SPNS3: variants seen among roughly 807,000 people sequenced by gnomAD.
The protein encoded by SPNS3 is protein spinster homolog 3.
SPNS3 carries 51 observed loss-of-function variants against 54.4 expected under a neutral mutation model. The ratio of observed to expected loss-of-function variants is 0.94; its 90% CI spans 0.75 to 1.18. The LOEUF is 1.18. Among genes scored for constraint, SPNS3 ranks in the 50% most tolerant of loss-of-function variants. The probability of loss-of-function intolerance (pLI) is 0.00; values close to 1 mark genes in which losing one functional copy is unlikely to be tolerated. For missense variants in SPNS3, 669 were observed against 677.4 expected (o/e 0.99, Z 0.14); for synonymous variants, 309 against 294.7 (o/e 1.05, Z -0.50).
chr17:4,456,145 T>C (rs1169663819), intron 8 of SPNS3, among the ~76,000 whole-genome samples: 1 of 151,832 alleles, frequency 6.6e-6, no homozygotes, highest in African/African-American at 2.4e-5. Context: ...AGAGATGGGG[T>C]TTTGCCATGT....
At chr17:4,480,852 C>G (rs996402634) in intron 9 of SPNS3, among the ~76,000 whole-genome samples, 3 of 152,096 alleles carry the variant, frequency 2.0e-5, no homozygotes, top group Non-Finnish European at 4.4e-5. Flanking sequence ...GCCTCCCGCC[C>G]CCTTCCCTGC....
intron 2 of SPNS3, among the ~76,000 whole-genome samples, chr17:4,441,018 C>T (rs1274501160): frequency 2.0e-5 from 3 of 152,088 alleles, no homozygotes; most frequent in African/African-American, 7.2e-5. Context: ...AGAGGACAGG[C>T]ATTATTACTT....
At chr17:4,461,861 T>A (rs1308953428) in intron 8 of SPNS3, among the ~76,000 whole-genome samples, 2 of 151,974 alleles carry the variant, frequency 1.3e-5, no homozygotes, top group East Asian at 1.9e-4. Context: ...CATTCTGAGT[T>A]TGTCGGGGGA....
chr17:4,436,304 G>C (rs955649577), intron 1 of SPNS3, among the ~76,000 whole-genome samples: 1 of 152,216 alleles, frequency 6.6e-6, no homozygotes, highest in Non-Finnish European at 1.5e-5. Context: ...TGAAACTCTA[G>C]GGGCTGCAGA....
chr17:4,457,748 C>T (rs78370685), intron 8 of SPNS3, among the ~76,000 whole-genome samples: 2,345 of 152,176 alleles, frequency 0.015, 56 homozygotes, highest in African/African-American at 0.054. Flanking sequence ...CTGCCCCCCC[C>T]TCACCCCCTG....
At chr17:4,477,989 T>TTTTTTTTTTG (rs1972053520) in intron 8 of SPNS3, among the ~76,000 whole-genome samples, 2 of 142,870 alleles carry the variant, frequency 1.4e-5, no homozygotes, top group African/African-American at 5.2e-5. Flanking sequence ...TTTTTTTTTT[T>TTTTTTTTTTG]GAGGCGGAGT....
intron 5 of SPNS3, 96 bp downstream of exon 5, chr17:4,447,058 G>C: frequency 1.5e-6 from 2 of 1,299,354 alleles, no homozygotes; most frequent in Non-Finnish European, 2.1e-6. Flanking sequence ...GTAGCACCCG[G>C]CGCCATTAGG....
In SPNS3 at chr17:4,487,841, C is replaced by A; in HGVS notation, c.1486C>A (p.Leu496Met). Residue 496 changes from leucine to methionine, a missense_variant, in exon 12 of 12, where the codon CTG becomes ATG. By Grantham distance (15) the Leu-to-Met change is conservative (BLOSUM62 2). Transcript: ENST00000355530. ...PDSNDVDSND[L>M]ERQGLLSGAG... ...CAGCAATGATGTGGACAGCAACGACCTGGAGAGACAAGGCCTACTTTCGGG... is the reference window on the plus strand; with the variant it reads ...CAGCAATGATGTGGACAGCAACGACATGGAGAGACAAGGCCTACTTTCGGG... 1 of 1,614,156 alleles carries A rather than the reference C, an allele frequency of 6.2e-7. No individual in the cohort carries two copies.
chr17:4,437,622 G>A (rs749527127), intron 1 of SPNS3, among the ~76,000 whole-genome samples: 2 of 151,628 alleles, frequency 1.3e-5, no homozygotes, highest in Admixed American at 6.6e-5. Flanking sequence ...AGCTGAGATC[G>A]TGTCACTGCA....
At chr17:4,443,889 C>T (rs534462651) in intron 2 of SPNS3, among the ~76,000 whole-genome samples, 22 of 152,320 alleles carry the variant, frequency 1.4e-4, no homozygotes, top group Non-Finnish European at 4.4e-5. Flanking sequence ...TCCCTTGAGC[C>T]CAGGAGTTCG....
At chr17:4,446,619 G>A (rs1475011792) in intron 4 of SPNS3, 8 of 554,904 alleles carry the variant, frequency 1.4e-5, no homozygotes, top group Non-Finnish European at 2.3e-5. Flanking sequence ...ACTCAAGCAG[G>A]GCCCAGCCTT....
In SPNS3 at chr17:4,453,217, C is replaced by A. The variant is rs753235819; in HGVS notation, c.1113+12C>A. 2 of 1,607,078 alleles carry A rather than the reference C, an allele frequency of 1.2e-6. No individual in the cohort carries two copies. Among genetic ancestry groups the A allele is most frequent in the African/African-American group, 2.7e-5 (2 of 74,768 alleles). On this transcript the variant is annotated intron_variant, in intron 8 of 11. Transcript: ENST00000355530. ...TGCTGGCCTCCTATGTAAGTGAGAG[C>A]CTCTATGGAGGTGGGGACAGGGTTG...
At chr17:4,435,791 G>A (rs1970700344) in intron 1 of SPNS3, among the ~76,000 whole-genome samples, 1 of 152,170 alleles carries the variant, frequency 6.6e-6, no homozygotes, top group African/African-American at 2.4e-5. Flanking sequence ...CAGGGGCCAG[G>A]CGTGGTGGCT....
At position 4,486,375 on chromosome 17, in the gene SPNS3, T is replaced by C; in HGVS notation, c.1279-37T>C. The stretch of plus-strand genomic sequence containing the variant: ...GGTGGGGAGGGTCTGGGGGCCAGGC[T>C]GGTGGGCCTGGCAGACTCATCCCTT... On this transcript the variant is annotated intron_variant, in intron 10 of 11. Coordinates refer to ENST00000355530, the MANE Select transcript of SPNS3 (RefSeq NM_182538.5). This position sits in a 1 kb window ranked among gnomAD's most constrained non-coding sequence, Gnocchi z 5.5. The C allele has an allele frequency of 6.3e-7, 1 of 1,596,402 alleles. No homozygotes were observed. Among genetic ancestry groups the C allele is most frequent in the Middle Eastern group, 1.7e-4 (1 of 5,988 alleles).
chr17:4,468,737 C>CTTTCTTTCTTTCTTTA, intron 8 of SPNS3, among the ~76,000 whole-genome samples: 1 of 140,640 alleles, frequency 7.1e-6, no homozygotes, highest in Middle Eastern at 3.5e-3. Context: ...TTCTTTCTTT[C>CTTTCTTTCTTTCTTTA]TTTCTTTCTT....
At chr17:4,465,480 C>G (rs773721693) in intron 8 of SPNS3, among the ~76,000 whole-genome samples, 1 of 152,054 alleles carries the variant, frequency 6.6e-6, no homozygotes, top group Non-Finnish European at 1.5e-5. Flanking sequence ...GTGATCCCAG[C>G]ACTTTGGGAG....
intron 8 of SPNS3, among the ~76,000 whole-genome samples, chr17:4,471,807 A>G (rs12601491): frequency 0.2 from 30,223 of 151,684 alleles, 3,400 homozygotes; most frequent in African/African-American, 0.31. Flanking sequence ...GCTTGAAGCC[A>G]ATATAAGGAA....
At chr17:4,480,262 C>T (rs1428388968) in intron 9 of SPNS3, among the ~76,000 whole-genome samples, 1 of 152,208 alleles carries the variant, frequency 6.6e-6, no homozygotes, top group African/African-American at 2.4e-5. Context: ...AGCCCAGAGT[C>T]AGCCGCAGAC....
chr17:4,461,351 C>CTTTTT (rs1971496138), intron 8 of SPNS3, among the ~76,000 whole-genome samples: 1 of 73,456 alleles, frequency 1.4e-5, no homozygotes, highest in Non-Finnish European at 3.0e-5. Flanking sequence ...GCTTTCTTTT[C>CTTTTT]TTTTCTTTTC....
Sources: gnomAD v4.1 joint callset for allele counts (sites outside exome capture counted in the v4.1 genomes callset) on GRCh38, gnomAD v4.1.1 for gene constraint, Gnocchi (gnomAD v3.1) non-coding constraint, MANE v1.5 for transcripts, NCBI Gene and HGNC (gene_info 2026-07-23, HGNC 2026-07-21) for gene names.